Variants in KIF1B observed in about 807,000 individuals in gnomAD.
KIF1B encodes the protein kinesin-like protein KIF1B.
KIF1B carries 76 observed loss-of-function variants against 241.9 expected under a neutral mutation model. The observed-to-expected ratio is 0.31, with a 90% CI of 0.26 to 0.38. The LOEUF is 0.38. Ranked by LOEUF, KIF1B falls within the 10% of genes least tolerant of loss-of-function variation. KIF1B has a pLI of 1.00. For missense variants in KIF1B, 1,622 were observed against 2,271.4 expected (o/e 0.71, Z 5.81); for synonymous variants, 750 against 796.7 (o/e 0.94, Z 0.99).
At chr1:10,300,197 A>G (rs571077688) in intron 22 of KIF1B, among the ~76,000 whole-genome samples, 139 of 150,964 alleles carry the variant, frequency 9.2e-4, no homozygotes, top group Non-Finnish European at 1.4e-3. Flanking sequence ...AGATCGCGCA[A>G]CTGCACTCAA....
intron 22 of KIF1B, among the ~76,000 whole-genome samples, chr1:10,318,506 G>A (rs1016994385): frequency 4.0e-5 from 6 of 151,638 alleles, no homozygotes; most frequent in African/African-American, 9.8e-5. Flanking sequence ...CAGATCGTGA[G>A]GTCAGGAGTT....
At chr1:10,235,039 G>GCA (rs1647032324) in intron 2 of KIF1B, among the ~76,000 whole-genome samples, 1 of 151,644 alleles carries the variant, frequency 6.6e-6, no homozygotes, top group African/African-American at 2.4e-5. Context: ...ACAGGCACCT[G>GCA]TCACCACACC....
intron 10 of KIF1B, among the ~76,000 whole-genome samples, chr1:10,273,709 C>CAACAAAAAA (rs1648930061): frequency 2.0e-5 from 1 of 49,578 alleles, no homozygotes; most frequent in African/African-American, 7.9e-5. Flanking sequence ...TCCTCCTCCT[C>CAACAAAAAA]AAAAAAAAAA....
intron 32 of KIF1B, among the ~76,000 whole-genome samples, chr1:10,341,571 G>T (rs1122113): frequency 4.6e-5 from 7 of 152,258 alleles, no homozygotes; most frequent in African/African-American, 2.4e-5. Context: ...AATACCTGAA[G>T]CTGGGAAAAG....
intron 19 of KIF1B, among the ~76,000 whole-genome samples, chr1:10,296,208 A>G (rs1650255515): frequency 6.6e-6 from 1 of 152,216 alleles, no homozygotes; most frequent in African/African-American, 2.4e-5. Flanking sequence ...TAAGTCACTC[A>G]TTCCCTTATC....
At chr1:10,219,605 A>C (rs904065889) in intron 1 of KIF1B, among the ~76,000 whole-genome samples, 1 of 150,386 alleles carries the variant, frequency 6.6e-6, no homozygotes, top group Non-Finnish European at 1.5e-5. Flanking sequence ...AAAATACAAA[A>C]AAATCAGCTG....
At chr1:10,226,571 C>T (rs549965674) in intron 1 of KIF1B, among the ~76,000 whole-genome samples, 1 of 152,128 alleles carries the variant, frequency 6.6e-6, no homozygotes, top group Non-Finnish European at 1.5e-5. Flanking sequence ...CAACAGTATT[C>T]AACAACTATC....
intron 2 of KIF1B, among the ~76,000 whole-genome samples, chr1:10,233,469 G>T (rs1466372719): frequency 1.3e-5 from 2 of 151,954 alleles, no homozygotes; most frequent in African/African-American, 4.8e-5. Flanking sequence ...AATAGAGCAA[G>T]ACCCTGCTTC....
chr1:10,372,681 G>A (rs1268070935), intron 45 of KIF1B, among the ~76,000 whole-genome samples: 3 of 128,088 alleles, frequency 2.3e-5, no homozygotes, highest in South Asian at 2.9e-4. Flanking sequence ...CCAAGCTGGC[G>A]CGCAGCGGCG....
Position 10,374,395 on chromosome 1 carries a change from C to A in KIF1B, c.5026C>A (p.Pro1676Thr). 1.2e-6 allele frequency: 2 copies of A among 1,614,180 alleles called. No homozygotes were observed. The highest frequency in any genetic ancestry group is 2.2e-5 in the South Asian group (2 of 91,088). The change falls in exon 46 of 49, where the codon CCA becomes ACA. Residue 1676 changes from proline to threonine, a missense_variant. Coordinates refer to ENST00000676179, the MANE Select transcript of KIF1B (RefSeq NM_001365951.3). This position sits in a 1 kb window ranked among gnomAD's most constrained non-coding sequence, Gnocchi z 4.3. ...TCAGATTGTCCCAGCTGTGGAAACA[C>A]CATATTTGGCCCGAGCAGGAAAAAA... ...QFQIVPAVETPYLARAGKNEF... is the reference protein window; with the variant it reads ...QFQIVPAVETTYLARAGKNEF...
At position 10,337,854 on chromosome 1, in the gene KIF1B, A is replaced by G. The variant is rs1335936044; in HGVS notation, c.3422+321A>G. ...AGTCTTTCTAGTCCTCTTCATGTTG[A>G]AATGTCTTATTAATAAGCCTGAAAG... is the stretch of plus-strand genomic sequence containing the variant. On this transcript the variant is annotated intron_variant, in intron 31 of 48. Coordinates refer to ENST00000676179, the MANE Select transcript of KIF1B (RefSeq NM_001365951.3). The surrounding 1 kb of genome is among the most constrained non-coding windows in gnomAD (Gnocchi z 4.0). Among the ~76,000 whole-genome samples the G allele has an allele frequency of 6.6e-6, 1 of 152,192 alleles. No individual in the cohort carries two copies. Among genetic ancestry groups the G allele is most frequent in the African/African-American group, 2.4e-5 (1 of 41,440 alleles).
At chr1:10,296,214 T>A (rs1010044802) in intron 19 of KIF1B, among the ~76,000 whole-genome samples, 1 of 152,216 alleles carries the variant, frequency 6.6e-6, no homozygotes, top group Admixed American at 6.5e-5. Flanking sequence ...ACTCATTCCC[T>A]TATCAAAATA....
At chr1:10,341,249 A>G (rs1485962474) in intron 32 of KIF1B, among the ~76,000 whole-genome samples, 1 of 152,268 alleles carries the variant, frequency 6.6e-6, no homozygotes, top group African/African-American at 2.4e-5. Flanking sequence ...ATGGAAAGCT[A>G]TTTTAAGTTA....
intron 40 of KIF1B, among the ~76,000 whole-genome samples, chr1:10,362,498 AAAAG>A (rs1638449849): frequency 6.6e-6 from 1 of 151,162 alleles, no homozygotes; most frequent in Non-Finnish European, 1.5e-5. Context: ...AAAGAAAAGA[AAAAG>A]GAAAAAAAAA....
At chr1:10,339,946 A>G (rs999283697) in intron 32 of KIF1B, 87 bp downstream of exon 32, 2 of 1,104,080 alleles carry the variant, frequency 1.8e-6, no homozygotes, top group African/African-American at 1.5e-5. Flanking sequence ...GAAGAGGTAC[A>G]AGTCACTGGC....
rs891071271 is a variant in KIF1B at position 10,314,137 on chromosome 1, C to T, written c.2116-5906C>T. On this transcript the variant is annotated intron_variant, in intron 22 of 48. Coordinates refer to ENST00000676179, the MANE Select transcript of KIF1B (RefSeq NM_001365951.3). ...GAACTCCTAACTCACCCGCCTCGGC[C>T]TCCCAAAGTGCTGGGATTGCAGGCA... Among the ~76,000 whole-genome samples the T allele has an allele frequency of 6.6e-5, 10 of 151,544 alleles. 1 individual carries two copies. The highest frequency in any genetic ancestry group is 2.4e-4 in the African/African-American group (10 of 40,824).
intron 22 of KIF1B, chr1:10,305,908 A>C (rs899714068): frequency 3.2e-5 from 34 of 1,053,028 alleles, no homozygotes; most frequent in Non-Finnish European, 3.7e-5. Flanking sequence ...GCCTGACTTC[A>C]TGTTTTGGAA....
At chr1:10,225,484 T>TA (rs1646898137) in intron 1 of KIF1B, among the ~76,000 whole-genome samples, 1 of 151,894 alleles carries the variant, frequency 6.6e-6, no homozygotes. Context: ...AACAAAACAA[T>TA]AAAAAAAGTA....
At chr1:10,315,506 C>A (rs552586092) in intron 22 of KIF1B, among the ~76,000 whole-genome samples, 1 of 151,398 alleles carries the variant, frequency 6.6e-6, no homozygotes, top group South Asian at 2.1e-4. Flanking sequence ...ACTATCCCAT[C>A]TAGGAAATTT....
Sources: allele counts gnomAD v4.1 joint callset (sites outside exome capture counted in the v4.1 genomes callset), GRCh38; gene constraint gnomAD v4.1.1; non-coding constraint Gnocchi (gnomAD v3.1); transcripts MANE v1.5; gene names NCBI Gene and HGNC (gene_info 2026-07-23, HGNC 2026-07-21).